NRG3: variants seen among roughly 807,000 people sequenced by gnomAD.
NRG3 encodes neuregulin 3.
NRG3 carries 31 observed loss-of-function variants against 66.9 expected under a neutral mutation model. The observed-to-expected ratio is 0.46, with a 90% CI of 0.35 to 0.63. NRG3 has a LOEUF of 0.63. Ranked by LOEUF, NRG3 falls within the 20% of genes least tolerant of loss-of-function variation. The probability of loss-of-function intolerance (pLI) is 0.00; values close to 1 mark genes in which losing one functional copy is unlikely to be tolerated. For missense variants in NRG3, 910 were observed against 878.9 expected, an observed-to-expected ratio of 1.04 and a Z score of -0.45; for synonymous variants, 393 against 359.4, an observed-to-expected ratio of 1.09 and a Z score of -1.06.
At chr10:81,930,596 A>G (rs1847249396) in intron 1 of NRG3, among the ~76,000 whole-genome samples, 1 of 152,144 alleles carries the variant, frequency 6.6e-6, no homozygotes, top group Non-Finnish European at 1.5e-5. Flanking sequence ...CCAGGAGAAC[A>G]TAGGTTTTGA....
At chr10:82,464,197 A>T (rs748554680) in intron 2 of NRG3, among the ~76,000 whole-genome samples, 26 of 152,124 alleles carry the variant, frequency 1.7e-4, no homozygotes, top group Non-Finnish European at 5.9e-5. Context: ...ATGTAGATTC[A>T]TGTGGCCTCT....
intron 1 of NRG3, among the ~76,000 whole-genome samples, chr10:82,121,981 C>T: frequency 6.6e-6 from 1 of 152,030 alleles, no homozygotes; most frequent in East Asian, 1.9e-4. Flanking sequence ...CCCCCAACTC[C>T]AAGCAGGAAT....
rs533406261 is a variant in NRG3, at chr10:82,249,901, C to G, written c.824-108838C>G. Among the ~76,000 whole-genome samples the G allele has an allele frequency of 5.3e-5, 8 of 152,308 alleles. No individual in the cohort carries two copies. In the South Asian group the frequency reaches 1.7e-3, roughly 32 times the overall value. ...CAGTGTGGTAACCTTATCAGCAATG[C>G]AGTTTGCACCCAAAAAGATTTGCTG... is the stretch of plus-strand genomic sequence containing the variant. On this transcript the variant is annotated intron_variant, in intron 1 of 8. Transcript: ENST00000372141.
At chr10:82,321,994 A>G (rs2081603733) in intron 1 of NRG3, among the ~76,000 whole-genome samples, 1 of 152,194 alleles carries the variant, frequency 6.6e-6, no homozygotes, top group Admixed American at 6.5e-5. Flanking sequence ...ACATGTTGCC[A>G]TAGTGGTAAG....
At chr10:82,657,804 A>G (rs1419618954) in intron 2 of NRG3, among the ~76,000 whole-genome samples, 3 of 152,136 alleles carry the variant, frequency 2.0e-5, no homozygotes, top group African/African-American at 7.2e-5. Flanking sequence ...CCTTAAAGAT[A>G]CAAACTACTA....
At chr10:82,389,716 T>C (rs771065053) in intron 2 of NRG3, among the ~76,000 whole-genome samples, 4 of 152,190 alleles carry the variant, frequency 2.6e-5, no homozygotes, top group Non-Finnish European at 5.9e-5. Flanking sequence ...TTTATACATA[T>C]ACACACACTC....
At chr10:82,517,954 A>G (rs1337292239) in intron 2 of NRG3, among the ~76,000 whole-genome samples, 2 of 152,176 alleles carry the variant, frequency 1.3e-5, no homozygotes, top group African/African-American at 4.8e-5. Context: ...CTTTTGTCTC[A>G]TGCATCAGGG....
At chr10:81,922,319 T>C (rs1846332132) in intron 1 of NRG3, among the ~76,000 whole-genome samples, 2 of 152,200 alleles carry the variant, frequency 1.3e-5, no homozygotes, top group Non-Finnish European at 2.9e-5. Flanking sequence ...GTTACATAGA[T>C]ATTTTGCTCA....
intron 2 of NRG3, among the ~76,000 whole-genome samples, chr10:82,674,937 A>ATT (rs530269286): frequency 4.9e-5 from 7 of 143,656 alleles, no homozygotes; most frequent in East Asian, 2.0e-4. Context: ...GGTTTTATTT[A>ATT]TATTTATTTA....
chr10:82,247,925 G>A (rs1361241517), intron 1 of NRG3, among the ~76,000 whole-genome samples: 1 of 152,102 alleles, frequency 6.6e-6, no homozygotes, highest in Admixed American at 6.6e-5. Context: ...TTGGTAACTA[G>A]CAATAACAAT....
intron 4 of NRG3, among the ~76,000 whole-genome samples, chr10:82,881,309 T>C (rs1842276932): frequency 6.6e-6 from 1 of 152,108 alleles, no homozygotes; most frequent in South Asian, 2.1e-4. Context: ...AGTTAATGAG[T>C]TTTTGAGGAA....
At chr10:82,853,018 G>A (rs554582809) in intron 3 of NRG3, among the ~76,000 whole-genome samples, 3 of 152,014 alleles carry the variant, frequency 2.0e-5, no homozygotes, top group Admixed American at 1.3e-4. Flanking sequence ...TTGCATGATG[G>A]CCTGGTTTGA....
chr10:81,986,050 A>AT (rs1248222457), intron 1 of NRG3, among the ~76,000 whole-genome samples: 2 of 152,102 alleles, frequency 1.3e-5, no homozygotes, highest in Non-Finnish European at 2.9e-5. Context: ...TTCTTATTTG[A>AT]TTTTTTGGCC....
At chr10:82,898,097 C>T (rs1166121757) in intron 4 of NRG3, among the ~76,000 whole-genome samples, 1 of 152,106 alleles carries the variant, frequency 6.6e-6, no homozygotes, top group Admixed American at 6.5e-5. Context: ...GAGTCAGTGC[C>T]CCTAGAGCAA....
chr10:82,131,372 G>A (rs1474635732), intron 1 of NRG3, among the ~76,000 whole-genome samples: 2 of 151,962 alleles, frequency 1.3e-5, no homozygotes, highest in Admixed American at 1.3e-4. Flanking sequence ...TTATTTCTGG[G>A]TTCTCTATTC....
chr10:82,839,712 C>T (rs533188066), intron 3 of NRG3, among the ~76,000 whole-genome samples: 4 of 151,266 alleles, frequency 2.6e-5, no homozygotes, highest in African/African-American at 4.8e-5. Context: ...TAAAATGTAA[C>T]GATGTATGTA....
intron 1 of NRG3, among the ~76,000 whole-genome samples, chr10:82,313,602 C>T (rs2081145965): frequency 6.6e-6 from 1 of 152,022 alleles, no homozygotes; most frequent in Admixed American, 6.6e-5. Flanking sequence ...CAAAAAGCAA[C>T]CGTAGCCCAT....
chr10:82,025,200 G>A (rs1412857663), intron 1 of NRG3, among the ~76,000 whole-genome samples: 1 of 150,776 alleles, frequency 6.6e-6, no homozygotes. Context: ...GGTAAAAAAT[G>A]TGGAATACTT....
chr10:82,456,137 C>CT (rs147759240), intron 2 of NRG3, among the ~76,000 whole-genome samples: 3,659 of 88,788 alleles, frequency 0.041, 150 homozygotes, highest in East Asian at 0.2. Flanking sequence ...TTTTCTGTCA[C>CT]TTTTTTTTTT....
Sources: allele counts gnomAD v4.1 joint callset (sites outside exome capture counted in the v4.1 genomes callset), GRCh38; gene constraint gnomAD v4.1.1; transcripts MANE v1.5; gene names NCBI Gene and HGNC (gene_info 2026-07-23, HGNC 2026-07-21).